COL21A1: variants seen among roughly 807,000 people sequenced by gnomAD.
COL21A1 encodes collagen type XXI alpha 1 chain.
Under a neutral mutation model 137.9 loss-of-function variants are expected in COL21A1, and 149 were observed. The ratio of observed to expected loss-of-function variants is 1.08; its 90% CI spans 0.95 to 1.24. The LOEUF (loss-of-function observed/expected upper bound fraction) is 1.24. Ranked by LOEUF, COL21A1 falls within the 50% of genes most tolerant of loss-of-function variation. The pLI is 0.00. For synonymous variants in COL21A1, 456 were observed against 391.5 expected (o/e 1.16, Z -1.95); for missense variants, 1,167 against 1,158.4 (o/e 1.01, Z -0.11).
chr6:56,285,568 A>G (rs1418042180), intron 1 of COL21A1, among the ~76,000 whole-genome samples: 1 of 152,178 alleles, frequency 6.6e-6, no homozygotes, highest in African/African-American at 2.4e-5. Context: ...TTCTCTTCTC[A>G]TTTCTTTTTT....
intron 1 of COL21A1, among the ~76,000 whole-genome samples, chr6:56,243,517 T>C (rs1782469849): frequency 6.6e-6 from 1 of 152,198 alleles, no homozygotes; most frequent in African/African-American, 2.4e-5. Flanking sequence ...GGATCTCACT[T>C]TCAGAGGTGA....
intron 10 of COL21A1, among the ~76,000 whole-genome samples, chr6:56,144,071 A>T (rs1774644289): frequency 6.6e-6 from 1 of 152,202 alleles, no homozygotes; most frequent in Non-Finnish European, 1.5e-5. Context: ...GTTATCACTG[A>T]ATCTCCTTCC....
intron 1 of COL21A1, among the ~76,000 whole-genome samples, chr6:56,189,822 C>A (rs909850009): frequency 3.9e-5 from 6 of 152,152 alleles, no homozygotes; most frequent in Non-Finnish European, 5.9e-5. Flanking sequence ...ATTCAACATT[C>A]TTAAAGAAAA....
At chr6:56,180,560 TAG>T (rs1777818282) in intron 2 of COL21A1, among the ~76,000 whole-genome samples, 1 of 152,196 alleles carries the variant, frequency 6.6e-6, no homozygotes, top group Non-Finnish European at 1.5e-5. Flanking sequence ...TTAGTAGAGA[TAG>T]AGATTCTTGT....
chr6:56,274,938 G>A (rs995352466), intron 1 of COL21A1, among the ~76,000 whole-genome samples: 1 of 151,862 alleles, frequency 6.6e-6, no homozygotes, highest in African/African-American at 2.4e-5. Context: ...AAATCTAGAG[G>A]CATCACAGCA....
chr6:56,346,337 T>TA (rs1325894463), intron 1 of COL21A1, among the ~76,000 whole-genome samples: 1 of 152,236 alleles, frequency 6.6e-6, no homozygotes, highest in African/African-American at 2.4e-5. Flanking sequence ...GGTGGATTGA[T>TA]ACAGCATGTA....
intron 1 of COL21A1, among the ~76,000 whole-genome samples, chr6:56,223,854 C>A (rs546512517): frequency 2.0e-5 from 3 of 151,960 alleles, no homozygotes; most frequent in Non-Finnish European, 4.4e-5. Context: ...TAAGATTTTA[C>A]ATTTTATTTT....
rs1159805541 is a variant in COL21A1 at position 56,098,626 on chromosome 6, A to T, written c.1812+2846T>A. Among the ~76,000 whole-genome samples the T allele has an allele frequency of 9.5e-3, 108 of 11,332 alleles. 8 individuals carry two copies. Among genetic ancestry groups the T allele is most frequent in the African/African-American group, 0.023 (49 of 2,142 alleles). The allele number at this position is 11,332 out of a possible 152,430, so 7.4% of individuals were successfully genotyped here. Reference sequence around the variant, plus strand: ...ATATAAATATATATAAATATATATAAATATATATATAAATATATATAAATA... The same window carrying T: ...ATATAAATATATATAAATATATATATATATATATATAAATATATATAAATA... On this transcript the variant is annotated intron_variant, in intron 17 of 29. Coordinates refer to ENST00000244728, the MANE Select transcript of COL21A1 (RefSeq NM_030820.4).
intron 1 of COL21A1, among the ~76,000 whole-genome samples, chr6:56,189,234 GA>G (rs1455328805): frequency 6.6e-6 from 1 of 151,926 alleles, no homozygotes; most frequent in African/African-American, 2.4e-5. Flanking sequence ...AAGGTTAGAT[GA>G]ATTGATAACT....
chr6:56,128,419 G>A (rs916531104), intron 12 of COL21A1, among the ~76,000 whole-genome samples: 7 of 152,278 alleles, frequency 4.6e-5, no homozygotes, highest in African/African-American at 1.7e-4. Context: ...AGCTCATATG[G>A]AAGGTGATAG....
chr6:56,287,913 G>A (rs1394906299), intron 1 of COL21A1, among the ~76,000 whole-genome samples: 1 of 151,992 alleles, frequency 6.6e-6, no homozygotes, highest in Admixed American at 6.6e-5. Flanking sequence ...GGAGGGAGAG[G>A]TCACAAGCCA....
Position 56,164,361 on chromosome 6 carries a change from T to C in COL21A1, c.1371+62A>G, listed in dbSNP as rs890463110. 36 of 1,081,336 alleles carry C rather than the reference T, an allele frequency of 3.3e-5. 1 individual carries two copies. In the Middle Eastern group the frequency reaches 1.4e-3, roughly 41 times the overall value. 67.0% of individuals were successfully genotyped at this position (1,081,336 alleles called of 1,614,324 possible). On this transcript the variant is annotated intron_variant, in intron 9 of 29. Transcript: ENST00000244728. ...CAGGATCAATGGTGATTAGGAATTG[T>C]ATGGTTTACCCAGCTCTTGTTTGTG...
At chr6:56,225,923 C>T (rs1038326038) in intron 1 of COL21A1, 6 of 151,934 alleles carry the variant, frequency 3.9e-5, no homozygotes, top group African/African-American at 1.4e-4. Context: ...TGGAAGCATA[C>T]AGTGTTTAAA....
At chr6:56,193,252 T>C (rs998523352) in intron 1 of COL21A1, among the ~76,000 whole-genome samples, 7 of 152,106 alleles carry the variant, frequency 4.6e-5, no homozygotes, top group South Asian at 4.1e-4. Flanking sequence ...CTGGCATTTG[T>C]ATACCTATGT....
intron 9 of COL21A1, among the ~76,000 whole-genome samples, chr6:56,159,207 T>A (rs1398662262): frequency 2.6e-5 from 4 of 152,216 alleles, no homozygotes; most frequent in Non-Finnish European, 5.9e-5. Flanking sequence ...TTTCCTGGTG[T>A]CTTTTTCTAC....
chr6:56,369,871 T>G (rs1387069475), intron 1 of COL21A1, among the ~76,000 whole-genome samples: 1 of 152,208 alleles, frequency 6.6e-6, no homozygotes, highest in Non-Finnish European at 1.5e-5. Flanking sequence ...TGTACAGCTA[T>G]TAAAGGTAAT....
chr6:56,108,463 T>C (rs994257799), intron 16 of COL21A1, among the ~76,000 whole-genome samples: 2 of 151,964 alleles, frequency 1.3e-5, no homozygotes, highest in African/African-American at 2.4e-5. Context: ...GTAATCCTGA[T>C]ACTGGAGAAG....
At chr6:56,140,558 G>A (rs757193102) in intron 12 of COL21A1, among the ~76,000 whole-genome samples, 8 of 152,126 alleles carry the variant, frequency 5.3e-5, no homozygotes, top group Non-Finnish European at 1.0e-4. Flanking sequence ...ACTGCCACAA[G>A]TCAAAGTCAT....
intron 21 of COL21A1, among the ~76,000 whole-genome samples, chr6:56,070,129 C>T (rs1766616656): frequency 6.6e-6 from 1 of 151,578 alleles, no homozygotes; most frequent in Non-Finnish European, 1.5e-5. Flanking sequence ...TAATCCTGAA[C>T]ATGCTTCATG....
Sources: allele counts gnomAD v4.1 joint callset (sites outside exome capture counted in the v4.1 genomes callset), GRCh38; gene constraint gnomAD v4.1.1; transcripts MANE v1.5; gene names NCBI Gene and HGNC (gene_info 2026-07-23, HGNC 2026-07-21).